The following M6PR variants were observed in gnomAD, a reference collection of about 807,000 sequenced individuals.
M6PR encodes cation-dependent mannose-6-phosphate receptor.
M6PR carries 19 observed loss-of-function variants against 33.1 expected under a neutral mutation model. That is an observed-to-expected ratio of 0.57 (90% confidence interval 0.40 to 0.84). M6PR has a LOEUF of 0.84. Among genes scored for constraint, M6PR ranks in the 40% least tolerant of loss-of-function variants. M6PR has a pLI of 0.00. For missense variants in M6PR, 295 were observed against 336.0 expected (o/e 0.88, Z 0.95); for synonymous variants, 111 against 123.4 (o/e 0.90, Z 0.67).
chr12:8,942,184 C>T (rs1232830079), intron 6 of M6PR: 1 of 676,260 alleles, frequency 1.5e-6, no homozygotes, highest in African/African-American at 1.8e-5. Flanking sequence ...TTAGAAGAGC[C>T]CATCTGGTCA....
In M6PR at chr12:8,948,128, G is replaced by T. The variant is rs1290880289; in HGVS notation, c.-2+1360C>A. Among the ~76,000 whole-genome samples, 3 of 152,190 alleles carry T rather than the reference G, an allele frequency of 2.0e-5. No individual in the cohort carries two copies. The East Asian group carries it at 5.8e-4, about 29-fold the overall frequency. ...GAATCTCACAAAATTAGGAAGGGAT[G>T]AAAGGTTAAACACCTCAGCCATTAG... On this transcript the variant is annotated intron_variant, in intron 1 of 6. Coordinates refer to ENST00000000412, the MANE Select transcript of M6PR (RefSeq NM_002355.4).
intron 5 of M6PR, among the ~76,000 whole-genome samples, chr12:8,942,951 A>ATT (rs139521214): frequency 1.4e-5 from 2 of 142,830 alleles, no homozygotes; most frequent in South Asian, 2.2e-4. Context: ...TGCAGTCAGA[A>ATT]TTTTTTTTTT....
intron 3 of M6PR, among the ~76,000 whole-genome samples, chr12:8,944,420 T>G (rs1946067130): frequency 1.3e-5 from 2 of 152,214 alleles, no homozygotes; most frequent in East Asian, 3.8e-4. Flanking sequence ...AGGTAAAGAT[T>G]CTGCTCCTAG....
In M6PR at chr12:8,941,800, G is replaced by A; in HGVS notation, c.*18C>T. The A allele has an allele frequency of 1.2e-6, 2 of 1,613,990 alleles. No homozygotes were observed. Among genetic ancestry groups the A allele is most frequent in the Non-Finnish European group, 1.7e-6 (2 of 1,179,932 alleles). On this transcript the variant is annotated 3_prime_UTR_variant, in exon 7 of 7. Coordinates refer to ENST00000000412, the MANE Select transcript of M6PR (RefSeq NM_002355.4). Reference sequence around the variant, plus strand: ...GGTTTGGGGGACTGAGGAAGAGGCTGGACATATAAAGTGCAATCTACATTG... The same window carrying A: ...GGTTTGGGGGACTGAGGAAGAGGCTAGACATATAAAGTGCAATCTACATTG...
chr12:8,948,489 CTT>C (rs1946137076), intron 1 of M6PR, among the ~76,000 whole-genome samples: 1 of 152,136 alleles, frequency 6.6e-6, no homozygotes, highest in African/African-American at 2.4e-5. Context: ...TGCTGGAAAA[CTT>C]ATAAACATAG....
At chr12:8,941,984 C>G in intron 6 of M6PR, 44 bp from the exon 7 acceptor site, 1 of 1,608,918 alleles carries the variant, frequency 6.2e-7, no homozygotes, top group Non-Finnish European at 8.5e-7. Flanking sequence ...CAGCATCTAA[C>G]TTTAGGATAT....
In M6PR at chr12:8,946,311, A is replaced by T; in HGVS notation, c.94T>A (p.Cys32Ser). The change falls in exon 2 of 7, where the codon TGC (cysteine) becomes AGC (serine). Residue 32 changes from cysteine to serine, a missense_variant. Physicochemically the swap from Cys to Ser is moderately radical, Grantham distance 112. Coordinates refer to ENST00000000412, the MANE Select transcript of M6PR (RefSeq NM_002355.4). ...RESWQTEEKT[C>S]DLVGEKGKES... ...TTACCCTTTTCTCCTACCAAGTCGC[A>T]AGTTTTTTCTTCTGTCTGCCAGGAT... 1 of 1,614,144 alleles carries T rather than the reference A, an allele frequency of 6.2e-7. No individual in the cohort carries two copies. The highest frequency in any genetic ancestry group is 8.5e-7 in the Non-Finnish European group (1 of 1,180,014).
chr12:8,943,583 T>G, intron 4 of M6PR, 48 bp from the exon 5 acceptor site: 1 of 1,611,572 alleles, frequency 6.2e-7, no homozygotes, highest in Non-Finnish European at 8.5e-7. Context: ...GTGTTTTGAC[T>G]CCTGTCCAAC....
chr12:8,944,051 C>G (rs771598556), intron 3 of M6PR, 141 bp from the exon 4 acceptor site: 115 of 644,670 alleles, frequency 1.8e-4, no homozygotes, highest in South Asian at 1.7e-3. Context: ...CTTGGTATAC[C>G]AGAAATGCCA....
Position 8,946,248 on chromosome 12 carries a change from T to C in M6PR, c.157A>G (p.Lys53Glu), listed in dbSNP as rs1946091511. Residue 53 changes from lysine to glutamate, a missense_variant, in exon 2 of 7, where the codon AAA (lysine) becomes GAA (glutamate). Lys to Glu is a moderately conservative substitution (Grantham distance 56). Coordinates refer to ENST00000000412, the MANE Select transcript of M6PR (RefSeq NM_002355.4). ...EKELALVKRLKPLFNKSFEST... is the reference protein window; with the variant it reads ...EKELALVKRLEPLFNKSFEST... ...ATTTACCTTTTATTAAACAGTGGTTTCAGCCTCTTCACTAGAGCCAACTCT... is the reference window on the plus strand; with the variant it reads ...ATTTACCTTTTATTAAACAGTGGTTCCAGCCTCTTCACTAGAGCCAACTCT... The C allele has an allele frequency of 1.2e-6, 2 of 1,614,214 alleles. No individual in the cohort carries two copies. Among genetic ancestry groups the C allele is most frequent in the Non-Finnish European group, 1.7e-6 (2 of 1,180,018 alleles).
chr12:8,943,841 C>A lies in M6PR; in HGVS notation c.413G>T (p.Arg138Leu). ...ATTGCAGGAGATCATCACCACTGCA[C>A]GACGCTGCTCCTTGCCACAGTGGTT... ...YDNHCGKEQR[R>L]AVVMISCNRH... Residue 138 changes from arginine (R) to leucine (L), a missense_variant, in exon 4 of 7, where the codon CGT becomes CTT. Transcript: ENST00000000412. 1 of 1,613,440 alleles carries A rather than the reference C, an allele frequency of 6.2e-7. No homozygotes were observed. Among genetic ancestry groups the A allele is most frequent in the East Asian group, 2.2e-5 (1 of 44,880 alleles).
chr12:8,946,690 G>C (rs1436514426), intron 1 of M6PR: 1 of 273,240 alleles, frequency 3.7e-6, no homozygotes, highest in African/African-American at 2.2e-5. Context: ...AAAGAATGAT[G>C]ACAGCTTGGG....
At chr12:8,942,951 ATTT>A (rs139521214) in intron 5 of M6PR, among the ~76,000 whole-genome samples, 51,712 of 142,774 alleles carry the variant, frequency 0.36, 10,321 homozygotes, top group South Asian at 0.47. Flanking sequence ...TGCAGTCAGA[ATTT>A]TTTTTTTTTT....
chr12:8,946,104 C>T, intron 2 of M6PR, 125 bp downstream of exon 2: 3 of 931,274 alleles, frequency 3.2e-6, no homozygotes, highest in Non-Finnish European at 4.8e-6. Flanking sequence ...CACACAGCAA[C>T]TAAAAACTGG....
chr12:8,947,999 G>T (rs944414995), intron 1 of M6PR, among the ~76,000 whole-genome samples: 3 of 152,128 alleles, frequency 2.0e-5, no homozygotes, highest in African/African-American at 7.2e-5. Flanking sequence ...AAAGAAATAG[G>T]AGACTCCTTC....
At chr12:8,944,109 A>T (rs1946064033) in intron 3 of M6PR, among the ~76,000 whole-genome samples, 199 bp from the exon 4 acceptor site, 1 of 152,270 alleles carries the variant, frequency 6.6e-6, no homozygotes, top group Admixed American at 6.5e-5. Context: ...TAAGACAAGA[A>T]TCAGATATTC....
At chr12:8,943,664 C>G in intron 4 of M6PR, 129 bp from the exon 5 acceptor site, 3 of 1,373,282 alleles carry the variant, frequency 2.2e-6, no homozygotes, top group Non-Finnish European at 3.1e-6. Flanking sequence ...AGATGCGTGT[C>G]TGACACAGAG....
intron 1 of M6PR, 89 bp from the exon 2 acceptor site, chr12:8,946,494 G>T: frequency 1.0e-6 from 1 of 1,002,602 alleles, no homozygotes; most frequent in Non-Finnish European, 1.5e-6. Flanking sequence ...ATAAATCGAT[G>T]GTATTTTAAT....
chr12:8,942,153 C>G, intron 6 of M6PR: 1 of 682,652 alleles, frequency 1.5e-6, no homozygotes, highest in Non-Finnish European at 2.4e-6. Flanking sequence ...CACCCAGGCC[C>G]TCTTAAAAGC....
Sources: allele counts gnomAD v4.1 joint callset (sites outside exome capture counted in the v4.1 genomes callset), GRCh38; gene constraint gnomAD v4.1.1; transcripts MANE v1.5; gene names NCBI Gene and HGNC (gene_info 2026-07-23, HGNC 2026-07-21).